Variants in WDR77 observed in about 807,000 individuals in gnomAD.
The protein encoded by WDR77 is methylosome protein WDR77.
WDR77 carries 31 observed loss-of-function variants against 44.0 expected under a neutral mutation model. The ratio of observed to expected loss-of-function variants is 0.70; its 90% CI spans 0.53 to 0.95. WDR77 has a LOEUF of 0.95. WDR77 is among the 40% of genes least tolerant of loss of function. The pLI is 0.00. For synonymous variants in WDR77, 186 were observed against 165.7 expected, an observed-to-expected ratio of 1.12 and a Z score of -0.94; for missense variants, 390 against 423.9, an observed-to-expected ratio of 0.92 and a Z score of 0.70.
At chr1:111,448,911 C>T (rs1170503784) in intron 1 of WDR77, 107 bp from the exon 2 acceptor site, 2 of 1,390,020 alleles carry the variant, frequency 1.4e-6, no homozygotes, top group Admixed American at 2.2e-5. Context: ...CTCAGGAACG[C>T]GGGGCAGGGC....
rs1652750576 is a variant in WDR77, at chr1:111,440,243, C to T, written c.*987G>A. ...CATAAGTGAAATATATCTAACTACA[C>T]ATAACACACATGCTTCAAAAAAGAC... is the stretch of plus-strand genomic sequence containing the variant. On this transcript the variant is annotated 3_prime_UTR_variant, in exon 10 of 10. Coordinates refer to ENST00000235090, the MANE Select transcript of WDR77 (RefSeq NM_024102.4). 1 of 152,196 alleles carries T rather than the reference C, an allele frequency of 6.6e-6. No individual in the cohort carries two copies. The allele number at this position is 152,196 out of a possible 1,614,324, so 9.4% of individuals were successfully genotyped here.
At chr1:111,448,003 A>G (rs1279202354) in intron 2 of WDR77, among the ~76,000 whole-genome samples, 1 of 152,228 alleles carries the variant, frequency 6.6e-6, no homozygotes. Flanking sequence ...TGTCTTGCAG[A>G]GTCTTTAAAA....
intron 7 of WDR77, 88 bp downstream of exon 7, chr1:111,443,235 C>T (rs1352347426): frequency 1.5e-6 from 2 of 1,329,702 alleles, no homozygotes; most frequent in African/African-American, 1.5e-5. Context: ...GACTGAGCAA[C>T]AAGGGCCTTG....
chr1:111,448,474 AGTTTGCATTCG>A (rs1181913714), intron 2 of WDR77, 134 bp downstream of exon 2: 11 of 871,370 alleles, frequency 1.3e-5, no homozygotes, highest in Non-Finnish European at 2.0e-5. Flanking sequence ...CCTACACAAG[AGTTTGCATTCG>A]GGGCCAACAC....
At chr1:111,447,326 GT>G in intron 3 of WDR77, 108 bp downstream of exon 3, 1 of 1,530,750 alleles carries the variant, frequency 6.5e-7, no homozygotes, top group Middle Eastern at 1.8e-4. Flanking sequence ...GCTAAAATAA[GT>G]CACTGGATTC....
chr1:111,442,819 A>C, intron 7 of WDR77, 58 bp from the exon 8 acceptor site: 1 of 1,250,964 alleles, frequency 8.0e-7, no homozygotes, highest in Non-Finnish European at 1.1e-6. Context: ...TGTGCCAAAG[A>C]CTTGAATCCT....
chr1:111,443,711 G>A, intron 6 of WDR77, 156 bp downstream of exon 6: 1 of 985,216 alleles, frequency 1.0e-6, no homozygotes, highest in South Asian at 4.7e-5. Flanking sequence ...ACAGAATGGG[G>A]TTAGCAGAGC....
chr1:111,444,846 AG>A (rs1571367464), intron 4 of WDR77, among the ~76,000 whole-genome samples: 2 of 152,236 alleles, frequency 1.3e-5, no homozygotes, highest in East Asian at 3.9e-4. Context: ...AAAATATGAT[AG>A]ATCATTGTGA....
intron 8 of WDR77, 25 bp from the exon 9 acceptor site, chr1:111,442,118 G>C: frequency 1.2e-6 from 2 of 1,609,654 alleles, no homozygotes; most frequent in South Asian, 1.1e-5. Flanking sequence ...AGAGGGTTGT[G>C]AAAGGTCCAG....
chr1:111,447,103 GA>G lies in WDR77; in HGVS notation c.484del (p.Ser162HisfsTer88), dbSNP rs1354842269. 6.2e-7 allele frequency: 1 copy of G among 1,614,016 alleles called. No homozygotes were observed. The highest frequency in any genetic ancestry group is 8.5e-7 in the Non-Finnish European group (1 of 1,180,014). On this transcript the variant is annotated frameshift_variant, in exon 4 of 10. Coordinates refer to ENST00000235090, the MANE Select transcript of WDR77 (RefSeq NM_024102.4). LOFTEE classifies it high-confidence loss of function. Reference sequence around the variant, plus strand: ...AATGAAAGAATACTCACCTCGGTATGAACTCAGTACCACCTGCTGAGCAAGG... The same window carrying G: ...AATGAAAGAATACTCACCTCGGTATGACTCAGTACCACCTGCTGAGCAAGG... ...WDLAQQVVLS[S>X]YRAHAAQVTC...
At position 111,444,041 on chromosome 1, in the gene WDR77, A is replaced by T. The variant is rs747935276; in HGVS notation, c.564+13T>A. 1 of 1,614,042 alleles carries T rather than the reference A, an allele frequency of 6.2e-7. No homozygotes were observed. Among genetic ancestry groups the T allele is most frequent in the Non-Finnish European group, 8.5e-7 (1 of 1,180,010 alleles). ...GCTGGAGTGTGTTTAGGGAAGAAGG[A>T]GCTATCTCTTACCTCGCTGCATGAA... On this transcript the variant is annotated intron_variant, in intron 5 of 9. Coordinates refer to ENST00000235090, the MANE Select transcript of WDR77 (RefSeq NM_024102.4).
chr1:111,447,380 AG>A lies in WDR77; in HGVS notation c.443+54del. 9 of 1,609,124 alleles carry A rather than the reference AG, an allele frequency of 5.6e-6. No homozygotes were observed. The South Asian group carries it at 9.9e-5, about 18-fold the overall frequency. On this transcript the variant is annotated intron_variant, in intron 3 of 9. Coordinates refer to ENST00000235090, the MANE Select transcript of WDR77 (RefSeq NM_024102.4). ...TGTTACCTAATGAGGTTAACAGGATAGGAAAGGCACCCACAGGAGGCTTAGA... is the reference window on the plus strand; with the variant it reads ...TGTTACCTAATGAGGTTAACAGGATAGAAAGGCACCCACAGGAGGCTTAGA...
intron 7 of WDR77, 83 bp downstream of exon 7, chr1:111,443,240 G>T (rs1465655018): frequency 7.4e-6 from 10 of 1,350,772 alleles, no homozygotes; most frequent in African/African-American, 1.5e-5. Flanking sequence ...AGCAACAAGG[G>T]CCTTGTGTGT....
At chr1:111,442,851 T>C in intron 7 of WDR77, 90 bp from the exon 8 acceptor site, 1 of 859,418 alleles carries the variant, frequency 1.2e-6, no homozygotes, top group Non-Finnish European at 1.7e-6. Context: ...CTTGTAAAAG[T>C]TAACCATTCT....
At chr1:111,442,803 G>A (rs753039759) in intron 7 of WDR77, 42 bp from the exon 8 acceptor site, 3 of 1,385,162 alleles carry the variant, frequency 2.2e-6, no homozygotes, top group East Asian at 5.0e-5. Context: ...TAAGAGCATG[G>A]ACTTTTGTGC....
rs41282514 is a variant in WDR77 at position 111,440,862 on chromosome 1, G to C, written c.*368C>G. ...ATGCCCACATCCCATAACCCACCCAGACACGGCCAATTCCTCATAGACAGC... is the reference window on the plus strand; with the variant it reads ...ATGCCCACATCCCATAACCCACCCACACACGGCCAATTCCTCATAGACAGC... On this transcript the variant is annotated 3_prime_UTR_variant, in exon 10 of 10. Transcript: ENST00000235090. The C allele has an allele frequency of 9.2e-3, 1,444 of 157,282 alleles. 14 individuals are homozygous for C. Among genetic ancestry groups the C allele is most frequent in the East Asian group, 0.019 (105 of 5,490 alleles). 9.7% of individuals were successfully genotyped at this position (157,282 alleles called of 1,614,324 possible). A position where few individuals can be genotyped will look rare whatever the true frequency, so the allele number is the denominator to read the frequency against.
chr1:111,442,118 G>T lies in WDR77; in HGVS notation c.801-25C>A, dbSNP rs753629203. The T allele has an allele frequency of 1.2e-5, 20 of 1,609,536 alleles. No individual in the cohort carries two copies. In the African/African-American group the frequency reaches 2.0e-4, roughly 16 times the overall value. ...ACTATCAGATGGAGGAGAGGGTTGT[G>T]AAAGGTCCAGCCTGGATCCCAAGAC... is the stretch of plus-strand genomic sequence containing the variant. On this transcript the variant is annotated intron_variant, in intron 8 of 9. Transcript: ENST00000235090.
intron 9 of WDR77, chr1:111,441,686 G>C (rs1571364060): frequency 1.1e-6 from 1 of 929,538 alleles, no homozygotes; most frequent in African/African-American, 1.7e-5. Flanking sequence ...AGGTCTTCCA[G>C]GTGCTGCCTT....
At chr1:111,441,681 T>G in intron 9 of WDR77, 4 of 964,004 alleles carry the variant, frequency 4.1e-6, no homozygotes, top group South Asian at 3.0e-5. Context: ...AATTCAGGTC[T>G]TCCAGGTGCT....
Sources: allele counts gnomAD v4.1 joint callset (sites outside exome capture counted in the v4.1 genomes callset), GRCh38; gene constraint gnomAD v4.1.1; transcripts MANE v1.5; gene names NCBI Gene and HGNC (gene_info 2026-07-23, HGNC 2026-07-21).